The following SUV39H2 variants were observed in gnomAD, a reference collection of about 807,000 sequenced individuals.
SUV39H2 encodes the protein SUV39H2 histone lysine methyltransferase.
In SUV39H2, 10 loss-of-function variants were observed where a neutral mutation model predicts 47.5. That is an observed-to-expected ratio of 0.21 (90% confidence interval 0.13 to 0.36). The LOEUF (loss-of-function observed/expected upper bound fraction) is 0.36, where lower values mean the gene tolerates loss of function less well. SUV39H2 is among the 10% of genes least tolerant of loss of function. The pLI, the probability that SUV39H2 is intolerant of heterozygous loss-of-function variation, is 1.00. For synonymous variants in SUV39H2, 159 were observed against 166.8 expected, an observed-to-expected ratio of 0.95 and a Z score of 0.36; for missense variants, 266 against 487.4, an observed-to-expected ratio of 0.55 and a Z score of 4.28.
chr10:14,880,968 T>C lies in SUV39H2; in HGVS notation c.32-532T>C, dbSNP rs1342795219. Among the ~76,000 whole-genome samples, 4 of 152,292 alleles carry C rather than the reference T, an allele frequency of 2.6e-5. No individual in the cohort carries two copies. The East Asian group carries it at 5.8e-4, about 22-fold the overall frequency. ...ACATATCAAAGAGAAAACTAACATA[T>C]AATGAGTTTGTAACCGTAGAAATAT... is the stretch of plus-strand genomic sequence containing the variant. On this transcript the variant is annotated intron_variant, in intron 1 of 5. Transcript: ENST00000354919.
At chr10:14,880,612 T>G (rs1833013771) in intron 1 of SUV39H2, among the ~76,000 whole-genome samples, 1 of 152,208 alleles carries the variant, frequency 6.6e-6, no homozygotes, top group Non-Finnish European at 1.5e-5. Context: ...ACAACAAGTT[T>G]GTTCCATTTT....
Position 14,898,202 on chromosome 10 carries a change from C to CTTTTTTTTTTTTTTT in SUV39H2, c.849+699_849+713dup, listed in dbSNP as rs919860514. On this transcript the variant is annotated intron_variant, in intron 3 of 5. Transcript: ENST00000354919. The stretch of plus-strand genomic sequence containing the variant: ...AAAACTCAGTGAGGTAGTACTGTTT[C>CTTTTTTTTTTTTTTT]TTTTTTTTTTTTTTTTTTTTTTTTT... 9.3e-4 allele frequency: 52 copies of CTTTTTTTTTTTTTTT among 56,150 alleles called. 3 individuals are homozygous for CTTTTTTTTTTTTTTT. The highest frequency in any genetic ancestry group is 1.3e-3 in the African/African-American group (18 of 14,148). The allele number at this position is 56,150 out of a possible 1,614,324, so 3.5% of individuals were successfully genotyped here. A position where few individuals can be genotyped will look rare whatever the true frequency, so the allele number is the denominator to read the frequency against.
intron 3 of SUV39H2, 142 bp from the exon 4 acceptor site, chr10:14,899,393 CTTAG>C: frequency 1.2e-6 from 1 of 838,828 alleles, no homozygotes; most frequent in Non-Finnish European, 1.9e-6. Context: ...GCATCTGAGT[CTTAG>C]TTTGTGTGAA....
Position 14,902,741 on chromosome 10 carries a change from A to C in SUV39H2, c.*229A>C. 2 of 321,572 alleles carry C rather than the reference A, an allele frequency of 6.2e-6. No homozygotes were observed. The highest frequency in any genetic ancestry group is 1.2e-5 in the Non-Finnish European group (2 of 172,640). The allele number at this position is 321,572 out of a possible 1,614,324, so 19.9% of individuals were successfully genotyped here. The stretch of plus-strand genomic sequence containing the variant: ...TTTATAGTGCTTAGAGACCAAACTA[A>C]TGGAAGGCAGACTATTTACAGCTTA... On this transcript the variant is annotated 3_prime_UTR_variant, in exon 6 of 6. Coordinates refer to ENST00000354919, the MANE Select transcript of SUV39H2 (RefSeq NM_001193424.2).
Position 14,896,942 on chromosome 10 carries a change from C to A in SUV39H2, c.274C>A (p.Gln92Lys). Residue 92 changes from glutamine to lysine, a missense_variant, in exon 3 of 6, where the codon CAA becomes AAA. Gln to Lys is a moderately conservative substitution (Grantham distance 53). Around this residue, in one of 4 missense-constraint regions of SUV39H2, gnomAD observed 91 missense variants for 110.9 expected, o/e 0.82. Coordinates refer to ENST00000354919, the MANE Select transcript of SUV39H2 (RefSeq NM_001193424.2). ...QNLKCPLLLQQFSNDKHNYLS... is the reference protein window; with the variant it reads ...QNLKCPLLLQKFSNDKHNYLS... Reference sequence around the variant, plus strand: ...TCTGAAGTGCCCGTTACTGCTTCAGCAATTCTCTAATGACAAGCATAATTA... The same window carrying A: ...TCTGAAGTGCCCGTTACTGCTTCAGAAATTCTCTAATGACAAGCATAATTA... 1 of 1,613,948 alleles carries A rather than the reference C, an allele frequency of 6.2e-7. No individual in the cohort carries two copies. Among genetic ancestry groups the A allele is most frequent in the Admixed American group, 1.7e-5 (1 of 60,024 alleles).
At chr10:14,901,985 A>G (rs1005968345) in intron 5 of SUV39H2, among the ~76,000 whole-genome samples, 14 of 152,214 alleles carry the variant, frequency 9.2e-5, no homozygotes, top group Non-Finnish European at 1.9e-4. Flanking sequence ...TTGTGACAAT[A>G]TAAATGTTTT....
chr10:14,902,376 T>G, intron 5 of SUV39H2, 30 bp from the exon 6 acceptor site: 5 of 1,444,628 alleles, frequency 3.5e-6, no homozygotes, highest in Non-Finnish European at 4.8e-6. Context: ...TAACTCTCTT[T>G]CTCCTATATT....
At chr10:14,899,071 G>A in intron 3 of SUV39H2, 1 of 602,616 alleles carries the variant, frequency 1.7e-6, no homozygotes, top group Non-Finnish European at 3.0e-6. Context: ...GTTAATCCCA[G>A]CACTTGGGGA....
At chr10:14,879,166 G>A (rs1323779749) in intron 1 of SUV39H2, 5 of 1,190,888 alleles carry the variant, frequency 4.2e-6, no homozygotes, top group Non-Finnish European at 5.2e-6. Flanking sequence ...CGGAAGTGGA[G>A]CGTGGCCTCT....
rs558871363 is a variant in SUV39H2, at chr10:14,885,954, AAC to A, written c.177+4311_177+4312del. On this transcript the variant is annotated intron_variant, in intron 2 of 5. Coordinates refer to ENST00000354919, the MANE Select transcript of SUV39H2 (RefSeq NM_001193424.2). ...TAGACCTTTTCATGGTTCCCTATTT[AAC>A]AGTCTCATCTGAGACATGTTAGCAT... 2.6e-4 allele frequency among the ~76,000 whole-genome samples: 40 copies of A among 152,292 alleles called. No individual in the cohort carries two copies. In the East Asian group the frequency reaches 7.5e-3, roughly 29 times the overall value.
chr10:14,901,034 C>CTT, intron 4 of SUV39H2, 99 bp from the exon 5 acceptor site: 20 of 1,460,462 alleles, frequency 1.4e-5, no homozygotes, highest in Non-Finnish European at 1.8e-5. Flanking sequence ...TCCAGTGGAA[C>CTT]TTAAACTAAA....
chr10:14,896,265 C>T (rs922355633), intron 2 of SUV39H2, among the ~76,000 whole-genome samples: 4 of 152,148 alleles, frequency 2.6e-5, no homozygotes, highest in African/African-American at 9.7e-5. Context: ...ATATTTTAAG[C>T]ATATCTCAAT....
chr10:14,880,441 T>C (rs1296792238), intron 1 of SUV39H2, among the ~76,000 whole-genome samples: 1 of 152,224 alleles, frequency 6.6e-6, no homozygotes, highest in Non-Finnish European at 1.5e-5. Flanking sequence ...AGTTTACTGA[T>C]AGATTTTGTT....
At chr10:14,892,993 T>G (rs1346443598) in intron 2 of SUV39H2, among the ~76,000 whole-genome samples, 1 of 149,620 alleles carries the variant, frequency 6.7e-6, no homozygotes, top group South Asian at 2.1e-4. Context: ...CGAGCTAATT[T>G]TTTGTATTTT....
chr10:14,897,652 G>T (rs1260881232), intron 3 of SUV39H2, 135 bp downstream of exon 3: 1 of 776,042 alleles, frequency 1.3e-6, no homozygotes, highest in Non-Finnish European at 1.8e-6. Context: ...AATTTATTCA[G>T]ATTTAGGAGA....
intron 3 of SUV39H2, chr10:14,899,283 G>T (rs904972641): frequency 4.3e-6 from 3 of 702,088 alleles, no homozygotes; most frequent in Non-Finnish European, 7.8e-6. Flanking sequence ...TGGCACCACC[G>T]CATTCTAGCC....
At chr10:14,884,867 G>A (rs1833155415) in intron 2 of SUV39H2, among the ~76,000 whole-genome samples, 1 of 152,134 alleles carries the variant, frequency 6.6e-6, no homozygotes, top group Non-Finnish European at 1.5e-5. Flanking sequence ...TTGAAACAAG[G>A]ATCATTATTG....
Position 14,878,910 on chromosome 10 carries a change from G to C in SUV39H2, c.22G>C (p.Ala8Pro), listed in dbSNP as rs1832952218. ...CAAGATGGCGGCGGTCGGGGCCGAG[G>C]CGCGAGGAGGTGAGGCTGGAGCGCG... is the stretch of plus-strand genomic sequence containing the variant. MAAVGAE[A>P]RGAWCVPCLV... is the part of the protein sequence containing the mutation. Residue 8 changes from alanine to proline, a missense_variant, in exon 1 of 6, where the codon GCG becomes CCG. This residue lies in a region of SUV39H2 where 31 missense variants were observed against 27.5 expected (regional missense o/e 1.13). Coordinates refer to ENST00000354919, the MANE Select transcript of SUV39H2 (RefSeq NM_001193424.2). The C allele has an allele frequency of 6.8e-7, 1 of 1,480,254 alleles. No homozygotes were observed. The highest frequency in any genetic ancestry group is 1.5e-5 in the African/African-American group (1 of 68,844). 91.7% of individuals were successfully genotyped at this position (1,480,254 alleles called of 1,614,324 possible).
chr10:14,892,741 C>T (rs1463823834), intron 2 of SUV39H2, among the ~76,000 whole-genome samples: 1 of 152,014 alleles, frequency 6.6e-6, no homozygotes, highest in African/African-American at 2.4e-5. Context: ...AGTGACCAAA[C>T]GTTCATATAC....
Sources: gnomAD v4.1 joint callset for allele counts (sites outside exome capture counted in the v4.1 genomes callset) on GRCh38, gnomAD v4.1.1 for gene constraint, gnomAD v4.1.1 regional missense constraint, MANE v1.5 for transcripts, NCBI Gene and HGNC (gene_info 2026-07-23, HGNC 2026-07-21) for gene names.